Variants in CCSER1 observed in about 807,000 individuals in gnomAD.
The protein encoded by CCSER1 is coiled-coil serine rich protein 1, also known as serine-rich coiled-coil domain-containing protein 1.
Under a neutral mutation model 82.0 loss-of-function variants are expected in CCSER1, and 41 were observed. The observed-to-expected ratio is 0.50, with a 90% CI of 0.39 to 0.65. CCSER1 has a LOEUF of 0.65. Among genes scored for constraint, CCSER1 ranks in the 30% least tolerant of loss-of-function variants. The pLI, the probability that CCSER1 is intolerant of heterozygous loss-of-function variation, is 0.00. For missense variants in CCSER1, 1,119 were observed against 1,064.2 expected, an observed-to-expected ratio of 1.05 and a Z score of -0.72; for synonymous variants, 414 against 383.9, an observed-to-expected ratio of 1.08 and a Z score of -0.92.
intron 7 of CCSER1, among the ~76,000 whole-genome samples, chr4:90,785,683 A>T (rs898205618): frequency 2.0e-5 from 3 of 152,004 alleles, no homozygotes; most frequent in African/African-American, 7.3e-5. Flanking sequence ...TCCAATGCCA[A>T]TTAAAACTAT....
At chr4:90,900,155 G>A (rs1447971191) in intron 8 of CCSER1, among the ~76,000 whole-genome samples, 1 of 134,048 alleles carries the variant, frequency 7.5e-6, no homozygotes, top group East Asian at 2.1e-4. Context: ...CTCATTATTG[G>A]TAGGCTCAGA....
chr4:90,326,822 G>A (rs11723677), intron 3 of CCSER1, among the ~76,000 whole-genome samples: 24,886 of 152,082 alleles, frequency 0.16, 2,607 homozygotes, highest in South Asian at 0.23. Context: ...CAGGGTATTG[G>A]ATGAGGTTTG....
At chr4:90,199,962 G>A (rs746308303) in intron 1 of CCSER1, among the ~76,000 whole-genome samples, 2 of 151,798 alleles carry the variant, frequency 1.3e-5, no homozygotes, top group Non-Finnish European at 2.9e-5. Flanking sequence ...CCAATTTATG[G>A]TGTTTACTCC....
At chr4:90,386,099 T>C (rs888537887) in intron 3 of CCSER1, among the ~76,000 whole-genome samples, 2 of 152,156 alleles carry the variant, frequency 1.3e-5, no homozygotes, top group African/African-American at 4.8e-5. Flanking sequence ...AATCGACAGA[T>C]TAAATGCAAT....
intron 3 of CCSER1, among the ~76,000 whole-genome samples, chr4:90,367,813 A>G (rs1000462436): frequency 6.6e-6 from 1 of 151,972 alleles, no homozygotes; most frequent in Non-Finnish European, 1.5e-5. Context: ...AGGACAAACT[A>G]GATGGACAGA....
chr4:91,385,798 G>A (rs1751248891), intron 10 of CCSER1, among the ~76,000 whole-genome samples: 1 of 151,842 alleles, frequency 6.6e-6, no homozygotes, highest in African/African-American at 2.4e-5. Flanking sequence ...GTGTATTTTT[G>A]GAAGAAGGGA....
At chr4:90,218,521 A>G (rs774492728) in intron 1 of CCSER1, among the ~76,000 whole-genome samples, 2 of 152,206 alleles carry the variant, frequency 1.3e-5, no homozygotes, top group Non-Finnish European at 2.9e-5. Context: ...TAAAACTCAA[A>G]TAAGAAATAA....
intron 6 of CCSER1, among the ~76,000 whole-genome samples, chr4:90,644,992 G>A (rs181892768): frequency 6.6e-6 from 1 of 150,600 alleles, no homozygotes; most frequent in Non-Finnish European, 1.5e-5. Flanking sequence ...TAAGACAAGA[G>A]AATCACTTGA....
intron 7 of CCSER1, among the ~76,000 whole-genome samples, chr4:90,762,250 C>T (rs1201680331): frequency 6.6e-6 from 1 of 152,076 alleles, no homozygotes; most frequent in African/African-American, 2.4e-5. Context: ...TTTCTCCCTT[C>T]TATTTGACAC....
At chr4:91,457,930 T>C (rs6810432) in intron 10 of CCSER1, among the ~76,000 whole-genome samples, 101,535 of 151,962 alleles carry the variant, frequency 0.67, 34,271 homozygotes, top group East Asian at 0.89. Flanking sequence ...TGATATATGA[T>C]GTCAGACTAT....
chr4:91,552,811 T>C (rs528498851), intron 10 of CCSER1, among the ~76,000 whole-genome samples: 47 of 151,694 alleles, frequency 3.1e-4, no homozygotes, highest in African/African-American at 1.1e-3. Flanking sequence ...TATTAGATTC[T>C]ATCATCTAAA....
chr4:90,830,212 T>G (rs1337724512), intron 8 of CCSER1, among the ~76,000 whole-genome samples: 1 of 152,172 alleles, frequency 6.6e-6, no homozygotes, highest in Non-Finnish European at 1.5e-5. Context: ...AGCAAATAAT[T>G]GTTCATACTA....
At chr4:91,113,606 C>T (rs1286547643) in intron 10 of CCSER1, among the ~76,000 whole-genome samples, 1 of 152,174 alleles carries the variant, frequency 6.6e-6, no homozygotes, top group African/African-American at 2.4e-5. Context: ...ATAGCATATG[C>T]TACCTTTCCC....
intron 8 of CCSER1, among the ~76,000 whole-genome samples, chr4:90,826,586 A>C (rs755948354): frequency 2.0e-5 from 3 of 152,234 alleles, no homozygotes; most frequent in Non-Finnish European, 4.4e-5. Context: ...ATTGAGAAAT[A>C]AGTATTATTA....
chr4:90,954,795 A>AG (rs1262088839), intron 9 of CCSER1, among the ~76,000 whole-genome samples: 2 of 151,910 alleles, frequency 1.3e-5, no homozygotes, highest in Non-Finnish European at 2.9e-5. Flanking sequence ...TTACTAAAAA[A>AG]AAATGATTAT....
chr4:90,349,394 G>A (rs1268801443), intron 3 of CCSER1, among the ~76,000 whole-genome samples: 1 of 152,012 alleles, frequency 6.6e-6, no homozygotes, highest in Non-Finnish European at 1.5e-5. Context: ...ATTGTATAAA[G>A]GCATTGGTGA....
At chr4:91,564,015 C>T (rs1343409903) in intron 10 of CCSER1, among the ~76,000 whole-genome samples, 17 of 151,700 alleles carry the variant, frequency 1.1e-4, no homozygotes. Context: ...CAGTAGTTAT[C>T]TTTTCTGCTC....
At chr4:90,440,372 G>C (rs556488944) in intron 4 of CCSER1, among the ~76,000 whole-genome samples, 2 of 152,276 alleles carry the variant, frequency 1.3e-5, no homozygotes, top group African/African-American at 4.8e-5. Context: ...AAGACAAAGA[G>C]AGACTCTCTA....
At chr4:90,759,016 C>A (rs1194109507) in intron 7 of CCSER1, among the ~76,000 whole-genome samples, 1 of 152,120 alleles carries the variant, frequency 6.6e-6, no homozygotes, top group African/African-American at 2.4e-5. Context: ...TTTCTCTAAA[C>A]CTCCCTTTTG....
Sources: allele counts gnomAD v4.1 joint callset (sites outside exome capture counted in the v4.1 genomes callset), GRCh38; gene constraint gnomAD v4.1.1; transcripts MANE v1.5; gene names NCBI Gene and HGNC (gene_info 2026-07-23, HGNC 2026-07-21).